Variants in GPR32 observed in about 807,000 individuals in gnomAD.
GPR32 encodes the protein G protein-coupled receptor 32, also known as probable G protein-coupled receptor 32.
For missense variants in GPR32, 433 were observed against 454.1 expected, an observed-to-expected ratio of 0.95 and a Z score of 0.42; for synonymous variants, 215 against 195.3, an observed-to-expected ratio of 1.10 and a Z score of -0.84.
Position 50,770,718 on chromosome 19 carries a change from G to T in GPR32, c.118G>T (p.Gly40Trp). 6.2e-7 allele frequency: 1 copy of T among 1,613,970 alleles called. No individual in the cohort carries two copies. Among genetic ancestry groups the T allele is most frequent in the African/African-American group, 1.3e-5 (1 of 74,992 alleles). Residue 40 changes from glycine (G) to tryptophan (W), a missense_variant, in exon 1 of 1, where the codon GGG becomes TGG. Coordinates refer to ENST00000270590, the MANE Select transcript of GPR32 (RefSeq NM_001506.2). ...NSSGCLSEEV[G>W]SLRPLTVVIL... is the part of the protein sequence containing the mutation. Reference sequence around the variant, plus strand: ...TTCCGGATGCCTGTCTGAGGAGGTGGGGTCCCTCCGCCCACTGACTGTGGT... The same window carrying T: ...TTCCGGATGCCTGTCTGAGGAGGTGTGGTCCCTCCGCCCACTGACTGTGGT...
In GPR32 at chr19:50,771,191, T is replaced by G; in HGVS notation, c.591T>G (p.Ser197=). The G allele has an allele frequency of 6.2e-7, 1 of 1,614,194 alleles. No homozygotes were observed. Among genetic ancestry groups the G allele is most frequent in the Non-Finnish European group, 8.5e-7 (1 of 1,180,038 alleles). The change falls in exon 1 of 1, where the codon TCT becomes TCG. Residue 197 remains serine, a synonymous_variant. Coordinates refer to ENST00000270590, the MANE Select transcript of GPR32 (RefSeq NM_001506.2). ...CGCACTGCTACTTGGCGTTCAACTCTGACAATGAGACTGCCCAGATTTGGA... is the reference window on the plus strand; with the variant it reads ...CGCACTGCTACTTGGCGTTCAACTCGGACAATGAGACTGCCCAGATTTGGA... The part of the protein sequence containing the change: ...GCTHCYLAFN[S]DNETAQIWIE...
rs751725969 is a variant in GPR32, at chr19:50,770,871, C to T, written c.271C>T (p.Leu91Phe). The T allele has an allele frequency of 1.9e-6, 3 of 1,614,232 alleles. No individual in the cohort carries two copies. The highest frequency in any genetic ancestry group is 2.5e-6 in the Non-Finnish European group (3 of 1,180,046). ...CCACCTGGCCCTTGCCGATTTCATG[C>T]TCTCACTGTCTCTGCCCATTGCCAT... Reference protein sequence around the residue: ...FFHLALADFMLSLSLPIAMYY... With the variant: ...FFHLALADFMFSLSLPIAMYY... The change falls in exon 1 of 1, where the codon CTC becomes TTC. Residue 91 changes from leucine (L) to phenylalanine (F), a missense_variant. Transcript: ENST00000270590.
Position 50,771,177 on chromosome 19 carries a change from T to G in GPR32, c.577T>G (p.Leu193Val). The G allele has an allele frequency of 6.2e-7, 1 of 1,614,238 alleles. No individual in the cohort carries two copies. The highest frequency in any genetic ancestry group is 1.3e-5 in the African/African-American group (1 of 75,074). Residue 193 changes from leucine to valine, a missense_variant, in exon 1 of 1, where the codon TTG becomes GTG. Coordinates refer to ENST00000270590, the MANE Select transcript of GPR32 (RefSeq NM_001506.2). ...RKWNGCTHCYLAFNSDNETAQ... is the reference protein window; with the variant it reads ...RKWNGCTHCYVAFNSDNETAQ... ...ATGGAATGGCTGTACGCACTGCTAC[T>G]TGGCGTTCAACTCTGACAATGAGAC...
In GPR32 at chr19:50,770,806, T is replaced by A. The variant is rs1156939084; in HGVS notation, c.206T>A (p.Val69Asp). Residue 69 changes from valine (V) to aspartate (D), a missense_variant, in exon 1 of 1, where the codon GTC becomes GAC. Coordinates refer to ENST00000270590, the MANE Select transcript of GPR32 (RefSeq NM_001506.2). ...AATGGGCTGGTGCTGTGGATGACTG[T>A]CTTCCGTATGGCACGCACGGTCTCC... ...LGNGLVLWMT[V>D]FRMARTVSTV... The A allele has an allele frequency of 6.2e-7, 1 of 1,614,074 alleles. No individual in the cohort carries two copies. The highest frequency in any genetic ancestry group is 1.3e-5 in the African/African-American group (1 of 74,934).
chr19:50,771,427 T>C lies in GPR32; in HGVS notation c.827T>C (p.Leu276Pro). 1.2e-6 allele frequency: 2 copies of C among 1,614,174 alleles called. No individual in the cohort carries two copies. Among genetic ancestry groups the C allele is most frequent in the Non-Finnish European group, 1.7e-6 (2 of 1,180,018 alleles). The change falls in exon 1 of 1, where the codon CTG (leucine) becomes CCG (proline). Residue 276 changes from leucine to proline, a missense_variant. Leu to Pro is a moderately conservative substitution (Grantham distance 98, BLOSUM62 -3). Transcript: ENST00000270590. The stretch of plus-strand genomic sequence containing the variant: ...TTCTGGTCCCCGTTTAACGTGGTGC[T>C]GTTGGTCCATCTGTGGCGACGGGTG... Reference protein sequence around the residue: ...FIFWSPFNVVLLVHLWRRVML... With the variant: ...FIFWSPFNVVPLVHLWRRVML...
rs1160842156 is a variant in GPR32, at chr19:50,770,769, G to C, written c.169G>C (p.Gly57Arg). The C allele has an allele frequency of 3.7e-6, 6 of 1,613,970 alleles. No homozygotes were observed. Among genetic ancestry groups the C allele is most frequent in the Non-Finnish European group, 5.1e-6 (6 of 1,180,030 alleles). Residue 57 changes from glycine (G) to arginine (R), a missense_variant, in exon 1 of 1, where the codon GGA becomes CGA. Physicochemically the swap from Gly to Arg is moderately radical, Grantham distance 125 (BLOSUM62 -2). Transcript: ENST00000270590. ...TATCCTGTCTGCGTCCATTGTCGTC[G>C]GAGTGCTGGGCAATGGGCTGGTGCT... ...VVILSASIVV[G>R]VLGNGLVLWM... is the part of the protein sequence containing the mutation.
Position 50,770,817 on chromosome 19 carries a change from G to A in GPR32, c.217G>A (p.Ala73Thr). The change falls in exon 1 of 1, where the codon GCA (alanine) becomes ACA (threonine). Residue 73 changes from alanine (A) to threonine (T), a missense_variant. Physicochemically the swap from Ala to Thr is moderately conservative, Grantham distance 58 (BLOSUM62 0). Coordinates refer to ENST00000270590, the MANE Select transcript of GPR32 (RefSeq NM_001506.2). ...GCTGTGGATGACTGTCTTCCGTATG[G>A]CACGCACGGTCTCCACCGTCTGCTT... ...LVLWMTVFRMARTVSTVCFFH... is the reference protein window; with the variant it reads ...LVLWMTVFRMTRTVSTVCFFH... The A allele has an allele frequency of 6.2e-7, 1 of 1,614,150 alleles. No individual in the cohort carries two copies. The highest frequency in any genetic ancestry group is 2.2e-5 in the East Asian group (1 of 44,884).
Position 50,770,943 on chromosome 19 carries a change from A to G in GPR32, c.343A>G (p.Lys115Glu). The G allele has an allele frequency of 6.2e-7, 1 of 1,614,010 alleles. No homozygotes were observed. The highest frequency in any genetic ancestry group is 1.1e-5 in the South Asian group (1 of 91,082). ...GTGGCTCCTCGGAGAGTGGGCCTGC[A>G]AACTCTACATCACCTTTGTGTTCCT... ...RQWLLGEWAC[K>E]LYITFVFLSY... Residue 115 changes from lysine to glutamate, a missense_variant, in exon 1 of 1, where the codon AAA (lysine) becomes GAA (glutamate). Physicochemically the swap from Lys to Glu is moderately conservative, Grantham distance 56 (BLOSUM62 1). Coordinates refer to ENST00000270590, the MANE Select transcript of GPR32 (RefSeq NM_001506.2).
rs745443642 is a variant in GPR32, at chr19:50,770,928, G to A, written c.328G>A (p.Gly110Arg). 2.8e-5 allele frequency: 45 copies of A among 1,614,030 alleles called. No homozygotes were observed. Among genetic ancestry groups the A allele is most frequent in the Admixed American group, 2.5e-4 (15 of 59,998 alleles). Residue 110 changes from glycine (G) to arginine (R), a missense_variant, in exon 1 of 1, where the codon GGA becomes AGA. Coordinates refer to ENST00000270590, the MANE Select transcript of GPR32 (RefSeq NM_001506.2). ...TATTGTCTCCAGGCAGTGGCTCCTC[G>A]GAGAGTGGGCCTGCAAACTCTACAT... is the stretch of plus-strand genomic sequence containing the variant. ...YYIVSRQWLLGEWACKLYITF... is the reference protein window; with the variant it reads ...YYIVSRQWLLREWACKLYITF...
Position 50,770,964 on chromosome 19 carries a change from T to C in GPR32, c.364T>C (p.Phe122Leu), listed in dbSNP as rs1201779023. The change falls in exon 1 of 1, where the codon TTC (phenylalanine) becomes CTC (leucine). Residue 122 changes from phenylalanine to leucine, a missense_variant. Coordinates refer to ENST00000270590, the MANE Select transcript of GPR32 (RefSeq NM_001506.2). ...CTGCAAACTCTACATCACCTTTGTG[T>C]TCCTCAGCTACTTTGCCAGTAACTG... Reference protein sequence around the residue: ...WACKLYITFVFLSYFASNCLL... With the variant: ...WACKLYITFVLLSYFASNCLL... 6.2e-7 allele frequency: 1 copy of C among 1,614,158 alleles called. No homozygotes were observed. The highest frequency in any genetic ancestry group is 1.7e-5 in the Admixed American group (1 of 60,012).
rs1461485646 is a variant in GPR32 at position 50,770,922 on chromosome 19, C to T, written c.322C>T (p.Leu108Phe). 1 of 1,614,182 alleles carries T rather than the reference C, an allele frequency of 6.2e-7. No individual in the cohort carries two copies. The highest frequency in any genetic ancestry group is 8.5e-7 in the Non-Finnish European group (1 of 1,180,026). The change falls in exon 1 of 1, where the codon CTC becomes TTC. Residue 108 changes from leucine (L) to phenylalanine (F), a missense_variant. Transcript: ENST00000270590. ...GTACTATATTGTCTCCAGGCAGTGG[C>T]TCCTCGGAGAGTGGGCCTGCAAACT... ...AMYYIVSRQWLLGEWACKLYI... is the reference protein window; with the variant it reads ...AMYYIVSRQWFLGEWACKLYI...
In GPR32 at chr19:50,770,879, G is replaced by C; in HGVS notation, c.279G>C (p.Leu93=). 1.2e-6 allele frequency: 2 copies of C among 1,614,178 alleles called. No individual in the cohort carries two copies. The highest frequency in any genetic ancestry group is 1.6e-4 in the Middle Eastern group (1 of 6,062). ...CCCTTGCCGATTTCATGCTCTCACTGTCTCTGCCCATTGCCATGTACTATA... is the reference window on the plus strand; with the variant it reads ...CCCTTGCCGATTTCATGCTCTCACTCTCTCTGCCCATTGCCATGTACTATA... ...HLALADFMLS[L]SLPIAMYYIV... The change falls in exon 1 of 1, where the codon CTG becomes CTC. Residue 93 remains leucine, a synonymous_variant. Coordinates refer to ENST00000270590, the MANE Select transcript of GPR32 (RefSeq NM_001506.2).
chr19:50,770,679 A>C lies in GPR32; in HGVS notation c.79A>C (p.Arg27=). Residue 27 remains arginine (R), a synonymous_variant, in exon 1 of 1, where the codon AGG becomes CGG. Coordinates refer to ENST00000270590, the MANE Select transcript of GPR32 (RefSeq NM_001506.2). ...CCTGACACGTGATCGCTCTTGTTCCAGGAAGATGAACTCTTCCGGATGCCT... is the reference window on the plus strand; with the variant it reads ...CCTGACACGTGATCGCTCTTGTTCCCGGAAGATGAACTCTTCCGGATGCCT... ...GVLTRDRSCS[R]KMNSSGCLSE... 6.2e-7 allele frequency: 1 copy of C among 1,614,076 alleles called. No homozygotes were observed. Among genetic ancestry groups the C allele is most frequent in the Non-Finnish European group, 8.5e-7 (1 of 1,179,946 alleles).
chr19:50,770,809 T>G lies in GPR32; in HGVS notation c.209T>G (p.Phe70Cys). Reference protein sequence around the residue: ...GNGLVLWMTVFRMARTVSTVC... With the variant: ...GNGLVLWMTVCRMARTVSTVC... Reference sequence around the variant, plus strand: ...GGGCTGGTGCTGTGGATGACTGTCTTCCGTATGGCACGCACGGTCTCCACC... The same window carrying G: ...GGGCTGGTGCTGTGGATGACTGTCTGCCGTATGGCACGCACGGTCTCCACC... Residue 70 changes from phenylalanine to cysteine, a missense_variant, in exon 1 of 1, where the codon TTC becomes TGC. Physicochemically the swap from Phe to Cys is radical, Grantham distance 205. Coordinates refer to ENST00000270590, the MANE Select transcript of GPR32 (RefSeq NM_001506.2). The G allele has an allele frequency of 6.2e-7, 1 of 1,614,140 alleles. No homozygotes were observed. Among genetic ancestry groups the G allele is most frequent in the South Asian group, 1.1e-5 (1 of 91,068 alleles).
rs2089396242 is a variant in GPR32, at chr19:50,770,915, G to A, written c.315G>A (p.Arg105=). 1.2e-6 allele frequency: 2 copies of A among 1,614,150 alleles called. No homozygotes were observed. Among genetic ancestry groups the A allele is most frequent in the Non-Finnish European group, 8.5e-7 (1 of 1,180,042 alleles). ...LPIAMYYIVS[R]QWLLGEWACK... is the part of the protein sequence containing the mutation. ...TTGCCATGTACTATATTGTCTCCAGGCAGTGGCTCCTCGGAGAGTGGGCCT... is the reference window on the plus strand; with the variant it reads ...TTGCCATGTACTATATTGTCTCCAGACAGTGGCTCCTCGGAGAGTGGGCCT... The change falls in exon 1 of 1, where the codon AGG becomes AGA. Residue 105 remains arginine (R), a synonymous_variant. Transcript: ENST00000270590.
In GPR32 at chr19:50,771,208, A is replaced by G; in HGVS notation, c.608A>G (p.Gln203Arg). The change falls in exon 1 of 1, where the codon CAG becomes CGG. Residue 203 changes from glutamine (Q) to arginine (R), a missense_variant. Gln to Arg is a conservative substitution (Grantham distance 43). Coordinates refer to ENST00000270590, the MANE Select transcript of GPR32 (RefSeq NM_001506.2). ...LAFNSDNETA[Q>R]IWIEGVVEGH... ...TTCAACTCTGACAATGAGACTGCCC[A>G]GATTTGGATTGAAGGGGTCGTGGAG... 1 of 1,614,204 alleles carries G rather than the reference A, an allele frequency of 6.2e-7. No individual in the cohort carries two copies. Among genetic ancestry groups the G allele is most frequent in the Non-Finnish European group, 8.5e-7 (1 of 1,180,038 alleles).
chr19:50,771,090 G>T lies in GPR32; in HGVS notation c.490G>T (p.Gly164Trp). ...TVQRASWLAF[G>W]VWLLAAALCS... The stretch of plus-strand genomic sequence containing the variant: ...GCAGCGGGCGAGCTGGCTGGCCTTT[G>T]GGGTGTGGCTCCTGGCCGCCGCCTT... Residue 164 changes from glycine (G) to tryptophan (W), a missense_variant, in exon 1 of 1, where the codon GGG becomes TGG. Physicochemically the swap from Gly to Trp is radical, Grantham distance 184. Transcript: ENST00000270590. The T allele has an allele frequency of 6.2e-7, 1 of 1,614,178 alleles. No homozygotes were observed.
rs1217353541 is a variant in GPR32 at position 50,771,434 on chromosome 19, C to T, written c.834C>T (p.Val278=). 1.2e-6 allele frequency: 2 copies of T among 1,614,010 alleles called. No individual in the cohort carries two copies. Among genetic ancestry groups the T allele is most frequent in the Non-Finnish European group, 1.7e-6 (2 of 1,180,018 alleles). The part of the protein sequence containing the change: ...FWSPFNVVLL[V]HLWRRVMLKE... ...CCCCGTTTAACGTGGTGCTGTTGGT[C>T]CATCTGTGGCGACGGGTGATGCTCA... Residue 278 remains valine (V), a synonymous_variant, in exon 1 of 1, where the codon GTC becomes GTT. Transcript: ENST00000270590.
rs367982246 is a variant in GPR32 at position 50,771,065 on chromosome 19, G to T, written c.465G>T (p.Val155=). ...TCTGGGCCCTGAACCACCGCACTGT[G>T]CAGCGGGCGAGCTGGCTGGCCTTTG... is the stretch of plus-strand genomic sequence containing the variant. ...YPVWALNHRT[V]QRASWLAFGV... Residue 155 remains valine (V), a synonymous_variant, in exon 1 of 1, where the codon GTG becomes GTT. Transcript: ENST00000270590. 54 of 1,614,002 alleles carry T rather than the reference G, an allele frequency of 3.3e-5. No individual in the cohort carries two copies. The highest frequency in any genetic ancestry group is 4.5e-5 in the Non-Finnish European group (53 of 1,180,048).
Sources: allele counts gnomAD v4.1 joint callset, GRCh38; gene constraint gnomAD v4.1.1; transcripts MANE v1.5; gene names NCBI Gene and HGNC (gene_info 2026-07-23, HGNC 2026-07-21).